GALNT18: variants seen among roughly 807,000 people sequenced by gnomAD.
GALNT18 encodes GalNAc-transferase 18.
Under a neutral mutation model 69.5 loss-of-function variants are expected in GALNT18, and 44 were observed. The observed-to-expected ratio is 0.63, with a 90% confidence interval of 0.50 to 0.81. The LOEUF is 0.81. GALNT18 is among the 40% of genes least tolerant of loss of function. The pLI, the probability that GALNT18 is intolerant of heterozygous loss-of-function variation, is 0.00. For missense variants in GALNT18, 715 were observed against 810.0 expected (o/e 0.88, Z 1.42); for synonymous variants, 364 against 318.2 (o/e 1.14, Z -1.53).
In GALNT18 at chr11:11,463,475, C is replaced by A. The variant is rs577551483; in HGVS notation, c.236-14539G>T. 3.0e-4 allele frequency among the ~76,000 whole-genome samples: 45 copies of A among 152,278 alleles called. No homozygotes were observed. The highest frequency in any genetic ancestry group is 9.9e-4 in the African/African-American group (41 of 41,554). On this transcript the variant is annotated intron_variant, in intron 1 of 10. Transcript: ENST00000227756. This position sits in a 1 kb window ranked among gnomAD's most constrained non-coding sequence, Gnocchi z 4.2. ...CAGAAGGATAAATACGAGCCAGGGC[C>A]CCAGCGAGGTTGAGGTCTGCTTACA... is the stretch of plus-strand genomic sequence containing the variant.
chr11:11,560,838 G>A (rs770424509), intron 1 of GALNT18, among the ~76,000 whole-genome samples: 6 of 152,146 alleles, frequency 3.9e-5, no homozygotes, highest in East Asian at 1.9e-4. Context: ...TTGAGGAATC[G>A]CTCTTCTAGC....
At chr11:11,568,299 T>C (rs1858701708) in intron 1 of GALNT18, among the ~76,000 whole-genome samples, 1 of 152,162 alleles carries the variant, frequency 6.6e-6, no homozygotes, top group African/African-American at 2.4e-5. Context: ...TACCCTTCAA[T>C]ACAGGAGTAG....
In GALNT18 at chr11:11,383,198, C is replaced by T. The variant is rs1405664221; in HGVS notation, c.596-3934G>A. On this transcript the variant is annotated intron_variant, in intron 3 of 10. Transcript: ENST00000227756. This position sits in a 1 kb window ranked among gnomAD's most constrained non-coding sequence, Gnocchi z 5.2. ...GGCCTGCTCAGGGCAGGCTGCTTGC[C>T]AGCTCTCATTTCTTCAGACTTAGAC... Among the ~76,000 whole-genome samples, 4 of 152,144 alleles carry T rather than the reference C, an allele frequency of 2.6e-5. No homozygotes were observed. Among genetic ancestry groups the T allele is most frequent in the African/African-American group, 7.2e-5 (3 of 41,428 alleles).
At chr11:11,532,732 A>G (rs1019046207) in intron 1 of GALNT18, among the ~76,000 whole-genome samples, 1 of 152,252 alleles carries the variant, frequency 6.6e-6, no homozygotes, top group Admixed American at 6.5e-5. Flanking sequence ...ACCCTTGGTC[A>G]AAGCCATGCA....
intron 1 of GALNT18, among the ~76,000 whole-genome samples, chr11:11,460,134 T>C (rs976674127): frequency 1.2e-4 from 18 of 152,172 alleles, no homozygotes; most frequent in African/African-American, 2.2e-4. Context: ...CTCTCCCTCT[T>C]TAAAAGTCAG....
intron 6 of GALNT18, among the ~76,000 whole-genome samples, chr11:11,349,926 T>A (rs1489869553): frequency 1.3e-5 from 2 of 148,946 alleles, no homozygotes; most frequent in Non-Finnish European, 3.0e-5. Context: ...TGTGTGGAAT[T>A]GCTGCTTGGA....
In GALNT18 at chr11:11,271,055, G is replaced by T; in HGVS notation, c.*89C>A. 2.3e-6 allele frequency: 3 copies of T among 1,279,464 alleles called. No homozygotes were observed. The highest frequency in any genetic ancestry group is 1.6e-5 in the South Asian group (1 of 62,926). 79.3% of individuals were successfully genotyped at this position (1,279,464 alleles called of 1,614,324 possible). A position where few individuals can be genotyped will look rare whatever the true frequency, so the allele number is the denominator to read the frequency against. ...GGGGGCCCACTAACCTGGTTCCCCA[G>T]ACTCCAAACAACCCCACGTGGACAG... On this transcript the variant is annotated 3_prime_UTR_variant, in exon 11 of 11. Coordinates refer to ENST00000227756, the MANE Select transcript of GALNT18 (RefSeq NM_198516.3).
intron 9 of GALNT18, among the ~76,000 whole-genome samples, chr11:11,312,165 C>T (rs118179366): frequency 2.2e-3 from 334 of 148,936 alleles, no homozygotes; most frequent in Non-Finnish European, 3.9e-3. Flanking sequence ...ACTGTGTTAG[C>T]CAGAATGGTC....
intron 6 of GALNT18, among the ~76,000 whole-genome samples, chr11:11,371,200 C>T (rs1217926779): frequency 4.6e-5 from 7 of 152,168 alleles, no homozygotes; most frequent in Non-Finnish European, 7.3e-5. Flanking sequence ...GGTGGTGAGT[C>T]GGGCCCCACA....
At chr11:11,321,856 C>T (rs1195948544) in intron 9 of GALNT18, among the ~76,000 whole-genome samples, 2 of 152,176 alleles carry the variant, frequency 1.3e-5, no homozygotes, top group Non-Finnish European at 2.9e-5. Flanking sequence ...CTGCCTGCCT[C>T]GGCCTCCCAA....
chr11:11,589,441 C>T (rs572225681), intron 1 of GALNT18, among the ~76,000 whole-genome samples: 16 of 151,988 alleles, frequency 1.1e-4, no homozygotes, highest in Non-Finnish European at 2.1e-4. Context: ...CACATTTTGC[C>T]GTATTGCTAA....
At chr11:11,425,096 C>T (rs1313078220) in intron 3 of GALNT18, among the ~76,000 whole-genome samples, 1 of 152,240 alleles carries the variant, frequency 6.6e-6, no homozygotes, top group African/African-American at 2.4e-5. Flanking sequence ...TCCCAAGAGC[C>T]AGCTAGGATT....
intron 9 of GALNT18, among the ~76,000 whole-genome samples, chr11:11,313,844 C>T (rs1849707522): frequency 6.6e-6 from 1 of 152,196 alleles, no homozygotes; most frequent in Non-Finnish European, 1.5e-5. Context: ...ATACAAAGCA[C>T]TTAGAAAGAT....
At chr11:11,308,861 T>C (rs1264385129) in intron 9 of GALNT18, among the ~76,000 whole-genome samples, 1 of 152,182 alleles carries the variant, frequency 6.6e-6, no homozygotes, top group African/African-American at 2.4e-5. Context: ...GTGGCCTCAA[T>C]TCTGGGGTGG....
rs1202717762 is a variant in GALNT18, at chr11:11,339,960, G to A, written c.1278+859C>T. Among the ~76,000 whole-genome samples, 1 of 152,180 alleles carries A rather than the reference G, an allele frequency of 6.6e-6. No homozygotes were observed. Among genetic ancestry groups the A allele is most frequent in the Non-Finnish European group, 1.5e-5 (1 of 68,030 alleles). On this transcript the variant is annotated intron_variant, in intron 7 of 10. Coordinates refer to ENST00000227756, the MANE Select transcript of GALNT18 (RefSeq NM_198516.3). The surrounding 1 kb of genome is among the most constrained non-coding windows in gnomAD (Gnocchi z 5.2). ...AAGCTTCCTAAAGGACTCCAAAAGG[G>A]ATTGCCATGGCCTTGGGAGGAAAGA... is the stretch of plus-strand genomic sequence containing the variant.
At chr11:11,418,798 G>T (rs1589985156) in intron 3 of GALNT18, among the ~76,000 whole-genome samples, 1 of 152,294 alleles carries the variant, frequency 6.6e-6, no homozygotes, top group East Asian at 1.9e-4. Flanking sequence ...GACCAGGGTT[G>T]GTCTCTAGGC....
chr11:11,580,629 T>G (rs7127257), intron 1 of GALNT18, among the ~76,000 whole-genome samples: 145,546 of 152,364 alleles, frequency 0.96, 69,567 homozygotes, highest in South Asian at 0.99. Context: ...GCACTGCCCA[T>G]GCAGAACACC....
chr11:11,330,943 C>A (rs1412588797), intron 8 of GALNT18, among the ~76,000 whole-genome samples: 5 of 152,200 alleles, frequency 3.3e-5, no homozygotes, highest in African/African-American at 1.2e-4. Flanking sequence ...AATCCAGAAG[C>A]TTGCCCTGGC....
chr11:11,586,457 T>C lies in GALNT18; in HGVS notation c.235+34902A>G, dbSNP rs980065354. Among the ~76,000 whole-genome samples, 1 of 152,186 alleles carries C rather than the reference T, an allele frequency of 6.6e-6. No homozygotes were observed. Among genetic ancestry groups the C allele is most frequent in the Non-Finnish European group, 1.5e-5 (1 of 68,042 alleles). ...GTTTGAAAACTTCTGGCTTAAACTA[T>C]AGCTAAAAGATAGGAAATTCTACCT... On this transcript the variant is annotated intron_variant, in intron 1 of 10. Transcript: ENST00000227756. This position sits in a 1 kb window ranked among gnomAD's most constrained non-coding sequence, Gnocchi z 4.1.
Sources: gnomAD v4.1 joint callset for allele counts (sites outside exome capture counted in the v4.1 genomes callset) on GRCh38, gnomAD v4.1.1 for gene constraint, Gnocchi (gnomAD v3.1) non-coding constraint, MANE v1.5 for transcripts, NCBI Gene and HGNC (gene_info 2026-07-23, HGNC 2026-07-21) for gene names.